PLS1: variants seen among roughly 807,000 people sequenced by gnomAD.
The protein encoded by PLS1 is plastin 1.
A neutral mutation model predicts 73.7 loss-of-function variants in PLS1; 32 were observed. That is an observed-to-expected ratio of 0.43 (90% CI 0.33 to 0.58). PLS1 has a LOEUF of 0.58. Among genes scored for constraint, PLS1 ranks in the 20% least tolerant of loss-of-function variants. The pLI is 0.04. For missense variants in PLS1, 633 were observed against 740.5 expected (o/e 0.85, Z 1.68); for synonymous variants, 217 against 261.3 (o/e 0.83, Z 1.63).
chr3:142,649,190 G>C lies in PLS1; in HGVS notation c.-36-15012G>C, dbSNP rs769426883. 3.1e-4 allele frequency among the ~76,000 whole-genome samples: 47 copies of C among 152,062 alleles called. No homozygotes were observed. The Middle Eastern group carries it at 0.017, about 55-fold the overall frequency. ...GCTGAAGGTGAATTAAAAGTTAATA[G>C]GTACACAGGCTTGGTGGTACACGCC... is the stretch of plus-strand genomic sequence containing the variant. On this transcript the variant is annotated intron_variant, in intron 1 of 15. Coordinates refer to ENST00000457734, the MANE Select transcript of PLS1 (RefSeq NM_001145319.2).
intron 1 of PLS1, among the ~76,000 whole-genome samples, chr3:142,629,458 C>T (rs898819097): frequency 6.6e-6 from 1 of 152,204 alleles, no homozygotes; most frequent in African/African-American, 2.4e-5. Flanking sequence ...GCCTCGGCCT[C>T]CCAAAGTGCT....
At chr3:142,671,894 C>T (rs1020851142) in intron 4 of PLS1, among the ~76,000 whole-genome samples, 3 of 152,060 alleles carry the variant, frequency 2.0e-5, no homozygotes, top group Non-Finnish European at 4.4e-5. Context: ...TTTCCTCTAG[C>T]GATACACTCA....
At chr3:142,605,445 C>T (rs1449256548) in intron 1 of PLS1, among the ~76,000 whole-genome samples, 1 of 152,228 alleles carries the variant, frequency 6.6e-6, no homozygotes, top group East Asian at 1.9e-4. Context: ...TCTTGGCTCA[C>T]TGCAACCTTT....
intron 1 of PLS1, among the ~76,000 whole-genome samples, chr3:142,639,162 G>C (rs2036775775): frequency 6.6e-6 from 1 of 152,204 alleles, no homozygotes; most frequent in Non-Finnish European, 1.5e-5. Context: ...TGTCATCCCT[G>C]TGTGGTAGCA....
chr3:142,683,805 A>C (rs1348173711), intron 6 of PLS1, among the ~76,000 whole-genome samples: 1 of 152,144 alleles, frequency 6.6e-6, no homozygotes, highest in East Asian at 1.9e-4. Flanking sequence ...TCTGGGTGGA[A>C]ATAGGGATTT....
chr3:142,680,036 A>T (rs1055481449), intron 6 of PLS1, among the ~76,000 whole-genome samples: 6 of 152,138 alleles, frequency 3.9e-5, no homozygotes, highest in African/African-American at 1.4e-4. Flanking sequence ...CTTTGAAGCA[A>T]TTGTGAATGG....
intron 1 of PLS1, among the ~76,000 whole-genome samples, chr3:142,643,123 G>A (rs2036876722): frequency 6.6e-6 from 1 of 152,182 alleles, no homozygotes; most frequent in Non-Finnish European, 1.5e-5. Context: ...AGAAGCTGAG[G>A]AAAGAATTAA....
At chr3:142,667,932 A>G (rs971751396) in intron 2 of PLS1, among the ~76,000 whole-genome samples, 2 of 152,194 alleles carry the variant, frequency 1.3e-5, no homozygotes, top group African/African-American at 2.4e-5. Context: ...TTATACCAAT[A>G]TTTTGGTTAT....
intron 10 of PLS1, among the ~76,000 whole-genome samples, chr3:142,692,346 T>C (rs1273466678): frequency 6.6e-6 from 1 of 152,160 alleles, no homozygotes; most frequent in Non-Finnish European, 1.5e-5. Context: ...TTTTACTTCT[T>C]GAAATTGTAT....
intron 1 of PLS1, among the ~76,000 whole-genome samples, chr3:142,660,072 G>A (rs1032540030): frequency 6.6e-6 from 1 of 152,050 alleles, no homozygotes; most frequent in Non-Finnish European, 1.5e-5. Flanking sequence ...TCTTCCTTGA[G>A]CCTTTTAAAA....
intron 1 of PLS1, among the ~76,000 whole-genome samples, chr3:142,603,786 ACC>A: frequency 6.8e-6 from 1 of 146,272 alleles, no homozygotes; most frequent in Non-Finnish European, 1.5e-5. Context: ...AAAAAAAAAT[ACC>A]TACAAGAACA....
chr3:142,664,204 A>T lies in PLS1; in HGVS notation c.-34A>T, dbSNP rs2037429700. 8.2e-7 allele frequency: 1 copy of T among 1,216,336 alleles called. No homozygotes were observed. The highest frequency in any genetic ancestry group is 2.2e-5 in the Admixed American group (1 of 46,250). The allele number at this position is 1,216,336 out of a possible 1,614,324, so 75.3% of individuals were successfully genotyped here. A position where few individuals can be genotyped will look rare whatever the true frequency, so the allele number is the denominator to read the frequency against. On this transcript the variant is annotated splice_region_variant and 5_prime_UTR_variant, in exon 2 of 16. Coordinates refer to ENST00000457734, the MANE Select transcript of PLS1 (RefSeq NM_001145319.2). ...TTTTATAATATTGCTTTTTCTAGAT[A>T]TAAAGACCTGAAGATAGTCTTTTCT...
At chr3:142,678,503 A>G (rs1270585426) in intron 6 of PLS1, among the ~76,000 whole-genome samples, 1 of 141,812 alleles carries the variant, frequency 7.1e-6, no homozygotes, top group Non-Finnish European at 1.5e-5. Context: ...ATTCCCACCT[A>G]TGCGTGAGAA....
chr3:142,638,925 G>T (rs1296135518), intron 1 of PLS1, among the ~76,000 whole-genome samples: 1 of 152,010 alleles, frequency 6.6e-6, no homozygotes, highest in African/African-American at 2.4e-5. Context: ...ATTTTTAGTA[G>T]AGACGGAGTT....
intron 1 of PLS1, among the ~76,000 whole-genome samples, chr3:142,616,859 C>T (rs2036225020): frequency 6.6e-6 from 1 of 152,200 alleles, no homozygotes. Context: ...GCCCAGGCCT[C>T]CCAAGGTGCT....
At position 142,610,451 on chromosome 3, in the gene PLS1, A is replaced by T. The variant is rs559341512; in HGVS notation, c.-37+13942A>T. Among the ~76,000 whole-genome samples, 3 of 152,348 alleles carry T rather than the reference A, an allele frequency of 2.0e-5. 1 individual carries two copies. In the East Asian group the frequency reaches 5.8e-4, roughly 29 times the overall value. ...GATTCGGATCATACTTAAATATAGC[A>T]GCTTAAGACTTTGTAAACCTTTTAA... On this transcript the variant is annotated intron_variant, in intron 1 of 15. Transcript: ENST00000457734.
intron 1 of PLS1, among the ~76,000 whole-genome samples, chr3:142,611,036 A>C (rs1295748462): frequency 6.6e-6 from 1 of 152,236 alleles, no homozygotes; most frequent in Non-Finnish European, 1.5e-5. Context: ...CCCTTGTAGC[A>C]TGAAGGCTGC....
chr3:142,649,937 G>A (rs2037045582), intron 1 of PLS1, among the ~76,000 whole-genome samples: 1 of 152,132 alleles, frequency 6.6e-6, no homozygotes, highest in Non-Finnish European at 1.5e-5. Context: ...AATTCAGAAT[G>A]CCCAAATATT....
intron 10 of PLS1, among the ~76,000 whole-genome samples, chr3:142,692,229 T>C: frequency 6.6e-6 from 1 of 152,274 alleles, no homozygotes. Context: ...TTCTAAGATA[T>C]TTGTTATTTT....
Sources: allele counts gnomAD v4.1 joint callset (sites outside exome capture counted in the v4.1 genomes callset), GRCh38; gene constraint gnomAD v4.1.1; transcripts MANE v1.5; gene names NCBI Gene and HGNC (gene_info 2026-07-23, HGNC 2026-07-21).